SIPA1L1: variants seen among roughly 807,000 people sequenced by gnomAD.
The protein encoded by SIPA1L1 is signal-induced proliferation-associated 1-like protein 1.
A neutral mutation model predicts 162.7 loss-of-function variants in SIPA1L1; 26 were observed. The ratio of observed to expected loss-of-function variants is 0.16; its 90% CI spans 0.12 to 0.22. The LOEUF (loss-of-function observed/expected upper bound fraction) is 0.22, where lower values mean the gene tolerates loss of function less well. SIPA1L1 is among the 10% of genes least tolerant of loss of function. SIPA1L1 has a pLI of 1.00. For synonymous variants in SIPA1L1, 829 were observed against 837.4 expected (o/e 0.99, Z 0.17); for missense variants, 1,874 against 2,241.0 (o/e 0.84, Z 3.31).
rs942320450 is a variant in SIPA1L1 at position 71,475,759 on chromosome 14, G to A, written c.-464-36984G>A. Among the ~76,000 whole-genome samples the A allele has an allele frequency of 3.1e-4, 47 of 152,310 alleles. 1 individual carries two copies. The highest frequency in any genetic ancestry group is 1.6e-3 in the Admixed American group (24 of 15,304). On this transcript the variant is annotated intron_variant, in intron 2 of 23. Coordinates refer to ENST00000381232, the MANE Select transcript of SIPA1L1 (RefSeq NM_001386936.1). ...AGGACACAGCTGAAAAAGGGAAGGC[G>A]CAGTCAGTGAAAGTGGAATGAGGGC...
chr14:71,519,990 AT>A (rs1275530776), intron 3 of SIPA1L1, among the ~76,000 whole-genome samples: 1 of 151,268 alleles, frequency 6.6e-6, no homozygotes, highest in African/African-American at 2.4e-5. Flanking sequence ...CACACCTATA[AT>A]CTTAGCGGCT....
chr14:71,542,259 T>C (rs188155724), intron 4 of SIPA1L1, among the ~76,000 whole-genome samples: 28 of 141,458 alleles, frequency 2.0e-4, no homozygotes, highest in South Asian at 4.7e-4. Flanking sequence ...CCTCCTCCTC[T>C]TCTTCTTCTT....
intron 2 of SIPA1L1, among the ~76,000 whole-genome samples, chr14:71,326,841 A>G (rs1165053778): frequency 6.8e-6 from 1 of 146,348 alleles, no homozygotes; most frequent in African/African-American, 2.5e-5. Context: ...CCTCCCAAGT[A>G]GCTGGGATTA....
At chr14:71,631,280 C>A (rs2040546070) in intron 7 of SIPA1L1, among the ~76,000 whole-genome samples, 2 of 152,182 alleles carry the variant, frequency 1.3e-5, no homozygotes, top group East Asian at 3.9e-4. Context: ...TAGACACTTG[C>A]TTTTTTCATT....
At chr14:71,718,279 A>G (rs557994084) in intron 17 of SIPA1L1, among the ~76,000 whole-genome samples, 1 of 152,318 alleles carries the variant, frequency 6.6e-6, no homozygotes, top group African/African-American at 2.4e-5. Flanking sequence ...GTGTGCATTA[A>G]AGAAGAAAGC....
intron 7 of SIPA1L1, among the ~76,000 whole-genome samples, chr14:71,649,742 G>A (rs2042466748): frequency 6.6e-6 from 1 of 152,150 alleles, no homozygotes; most frequent in Non-Finnish European, 1.5e-5. Context: ...CTATTTGAAA[G>A]AGAAGTTGCT....
At chr14:71,510,177 CTTTTTTT>C (rs985233367) in intron 2 of SIPA1L1, among the ~76,000 whole-genome samples, 1 of 77,470 alleles carries the variant, frequency 1.3e-5, no homozygotes, top group Non-Finnish European at 2.2e-5. Flanking sequence ...TCCCCCCCAC[CTTTTTTT>C]TTTTTTTTTT....
At chr14:71,605,846 G>T (rs768215131) in intron 5 of SIPA1L1, among the ~76,000 whole-genome samples, 2 of 152,094 alleles carry the variant, frequency 1.3e-5, no homozygotes, top group Non-Finnish European at 2.9e-5. Flanking sequence ...GTTAATTCTG[G>T]GGCTACAGGT....
chr14:71,358,695 G>A (rs1366318891), intron 2 of SIPA1L1, among the ~76,000 whole-genome samples: 1 of 152,156 alleles, frequency 6.6e-6, no homozygotes, highest in Non-Finnish European at 1.5e-5. Flanking sequence ...AATTTATAAA[G>A]AAAGAGATTT....
chr14:71,618,322 C>G (rs886617118), intron 5 of SIPA1L1, among the ~76,000 whole-genome samples: 1 of 152,160 alleles, frequency 6.6e-6, no homozygotes, highest in Non-Finnish European at 1.5e-5. Flanking sequence ...CCAGGGACAT[C>G]TTTTTTAATC....
At chr14:71,700,369 T>TA (rs1296715889) in intron 14 of SIPA1L1, among the ~76,000 whole-genome samples, 1 of 152,120 alleles carries the variant, frequency 6.6e-6, no homozygotes, top group African/African-American at 2.4e-5. Context: ...TCTTAAAAAA[T>TA]AAAAAAGTAA....
chr14:71,344,679 C>T (rs920435390), intron 2 of SIPA1L1, among the ~76,000 whole-genome samples: 2 of 152,190 alleles, frequency 1.3e-5, no homozygotes, highest in African/African-American at 4.8e-5. Flanking sequence ...CTCACTTCAG[C>T]TTCCTGAGTT....
rs888046520 is a variant in SIPA1L1, at chr14:71,371,948, A to T, written c.-465+50767A>T. Reference sequence around the variant, plus strand: ...GTGTCAGCCTCTTAACCCTTACTTGATCTCCTTAATGCATCTCAAGTTTAA... The same window carrying T: ...GTGTCAGCCTCTTAACCCTTACTTGTTCTCCTTAATGCATCTCAAGTTTAA... On this transcript the variant is annotated intron_variant, in intron 2 of 23. Coordinates refer to ENST00000381232, the MANE Select transcript of SIPA1L1 (RefSeq NM_001386936.1). Among the ~76,000 whole-genome samples the T allele has an allele frequency of 2.0e-5, 3 of 152,150 alleles. No individual in the cohort carries two copies. In the East Asian group the frequency reaches 5.8e-4, roughly 29 times the overall value.
intron 7 of SIPA1L1, among the ~76,000 whole-genome samples, chr14:71,649,713 A>G (rs780944872): frequency 6.6e-6 from 1 of 152,198 alleles, no homozygotes; most frequent in East Asian, 1.9e-4. Flanking sequence ...TTCTCTGCAG[A>G]CACTCATCCT....
Position 71,685,366 on chromosome 14 carries a change from T to A in SIPA1L1, c.3109T>A (p.Cys1037Ser). The change falls in exon 13 of 24, where the codon TGC becomes AGC. Residue 1037 changes from cysteine (C) to serine (S), a missense_variant. This residue lies in a region of SIPA1L1 where 936 missense variants were observed against 1,051.9 expected (regional missense o/e 0.89). Transcript: ENST00000381232. Reference protein sequence around the residue: ...PHDDCTPRRSCSETYRMPVME... With the variant: ...PHDDCTPRRSSSETYRMPVME... ...CCTGTGCCTTGCCCCTAATAGGAGT[T>A]GCTCTGAAACCTACCGCATGCCAGT... 1 of 1,614,074 alleles carries A rather than the reference T, an allele frequency of 6.2e-7. No homozygotes were observed. The highest frequency in any genetic ancestry group is 8.5e-7 in the Non-Finnish European group (1 of 1,179,928).
At chr14:71,410,127 T>C (rs1195749885) in intron 2 of SIPA1L1, among the ~76,000 whole-genome samples, 1 of 152,232 alleles carries the variant, frequency 6.6e-6, no homozygotes, top group Non-Finnish European at 1.5e-5. Context: ...TTTACAAAAA[T>C]ATGGCAGCTC....
intron 2 of SIPA1L1, among the ~76,000 whole-genome samples, chr14:71,403,599 CAAAAAAA>C (rs147285643): frequency 7.2e-5 from 5 of 69,266 alleles, no homozygotes; most frequent in Admixed American, 1.7e-4. Flanking sequence ...GACTCTGTCT[CAAAAAAA>C]AAAAAAAAAA....
rs2045813678 is a variant in SIPA1L1 at position 71,681,593 on chromosome 14, T to C, written c.3105-3769T>C. On this transcript the variant is annotated intron_variant, in intron 12 of 23. Coordinates refer to ENST00000381232, the MANE Select transcript of SIPA1L1 (RefSeq NM_001386936.1). ...ACTGCTTTAGAGTGAAGAGGGCAAT[T>C]AGAAATCATGTGGTTCAGATCTCTC... Among the ~76,000 whole-genome samples the C allele has an allele frequency of 3.9e-5, 6 of 152,200 alleles. No individual in the cohort carries two copies. The South Asian group carries it at 1.2e-3, about 31-fold the overall frequency.
chr14:71,626,399 C>T (rs1268777541), intron 7 of SIPA1L1, among the ~76,000 whole-genome samples: 1 of 152,050 alleles, frequency 6.6e-6, no homozygotes, highest in Non-Finnish European at 1.5e-5. Context: ...TTTTTTTTAT[C>T]TCCATACATA....
Sources: allele counts gnomAD v4.1 joint callset (sites outside exome capture counted in the v4.1 genomes callset), GRCh38; gene constraint gnomAD v4.1.1; regional missense constraint gnomAD v4.1.1; transcripts MANE v1.5; gene names NCBI Gene and HGNC (gene_info 2026-07-23, HGNC 2026-07-21).